The following P2RY14 variants were observed in gnomAD, a reference collection of about 807,000 sequenced individuals.
P2RY14 encodes the protein P2Y purinoceptor 14.
A neutral mutation model predicts 0.9 loss-of-function variants in P2RY14; 2 were observed. The observed-to-expected ratio is 2.16, with a 90% confidence interval of 0.88 to 6.79. The LOEUF is 6.79. Ranked by LOEUF, P2RY14 falls within the 30% of genes most tolerant of loss-of-function variation. P2RY14 has a pLI of 0.05. For synonymous variants in P2RY14, 158 were observed against 147.2 expected, an observed-to-expected ratio of 1.07 and a Z score of -0.53; for missense variants, 378 against 400.1, an observed-to-expected ratio of 0.94 and a Z score of 0.47.
At chr3:151,227,651 A>G (rs745520960) in intron 1 of P2RY14, among the ~76,000 whole-genome samples, 3 of 152,178 alleles carry the variant, frequency 2.0e-5, no homozygotes, top group South Asian at 2.1e-4. Context: ...ATGACCTCCA[A>G]TGGATACATA....
intron 1 of P2RY14, among the ~76,000 whole-genome samples, chr3:151,262,081 T>C (rs1367899291): frequency 6.6e-6 from 1 of 152,230 alleles, no homozygotes; most frequent in Non-Finnish European, 1.5e-5. Flanking sequence ...CTGTTAAAAC[T>C]ACTATTTTTT....
intron 1 of P2RY14, among the ~76,000 whole-genome samples, chr3:151,248,119 C>T (rs1429527789): frequency 2.6e-5 from 4 of 151,762 alleles, no homozygotes; most frequent in East Asian, 1.9e-4. Flanking sequence ...CCTTGCCATC[C>T]ACAAGTTAAA....
In P2RY14 at chr3:151,216,989, G is replaced by A. The variant is rs549587433; in HGVS notation, c.-25+2546C>T. Among the ~76,000 whole-genome samples, 14 of 152,202 alleles carry A rather than the reference G, an allele frequency of 9.2e-5. No individual in the cohort carries two copies. In the East Asian group the frequency reaches 1.5e-3, roughly 17 times the overall value. On this transcript the variant is annotated intron_variant, in intron 2 of 2. Coordinates refer to ENST00000309170, the MANE Select transcript of P2RY14 (RefSeq NM_014879.4). Reference sequence around the variant, plus strand: ...GTCCTAAGCCACACAACCCCCCAGCGCCTGGCCATTGTGGTGTCATACTCA... The same window carrying A: ...GTCCTAAGCCACACAACCCCCCAGCACCTGGCCATTGTGGTGTCATACTCA...
intron 1 of P2RY14, among the ~76,000 whole-genome samples, chr3:151,230,486 C>T (rs578201356): frequency 6.6e-6 from 1 of 151,936 alleles, no homozygotes; most frequent in East Asian, 1.9e-4. Flanking sequence ...ACTCCTTTCT[C>T]GTTATACTAT....
intron 2 of P2RY14, among the ~76,000 whole-genome samples, chr3:151,216,494 A>T (rs541953551): frequency 7.9e-5 from 12 of 152,224 alleles, no homozygotes; most frequent in Admixed American, 1.3e-4. Flanking sequence ...TGCTTCCTAC[A>T]CAAGAATATC....
intron 1 of P2RY14, among the ~76,000 whole-genome samples, chr3:151,232,587 C>T (rs868020857): frequency 2.8e-4 from 42 of 152,140 alleles, no homozygotes; most frequent in African/African-American, 9.7e-4. Flanking sequence ...CACATATATG[C>T]CATGGAATAC....
intron 1 of P2RY14, chr3:151,241,849 T>C (rs966838214): frequency 6.5e-6 from 1 of 154,014 alleles, no homozygotes; most frequent in Admixed American, 6.5e-5. Context: ...AAGACGGTGA[T>C]TTCTGCATTT....
chr3:151,237,549 C>A (rs1310081796), intron 1 of P2RY14, among the ~76,000 whole-genome samples: 1 of 151,578 alleles, frequency 6.6e-6, no homozygotes, highest in Non-Finnish European at 1.5e-5. Flanking sequence ...TGGGGTTTCA[C>A]CATGTTGGCC....
chr3:151,268,469 A>C (rs1205336778), intron 1 of P2RY14, among the ~76,000 whole-genome samples: 1 of 152,224 alleles, frequency 6.6e-6, no homozygotes, highest in Non-Finnish European at 1.5e-5. Flanking sequence ...TCCCTGCCCT[A>C]GTCAAGGCAT....
At chr3:151,228,935 T>A (rs1731066702) in intron 1 of P2RY14, among the ~76,000 whole-genome samples, 1 of 152,182 alleles carries the variant, frequency 6.6e-6, no homozygotes, top group Non-Finnish European at 1.5e-5. Flanking sequence ...ACTGAGATGG[T>A]ATTTGCATTT....
At chr3:151,250,512 T>A (rs1039930623) in intron 1 of P2RY14, among the ~76,000 whole-genome samples, 2 of 152,226 alleles carry the variant, frequency 1.3e-5, no homozygotes, top group Non-Finnish European at 2.9e-5. Context: ...CTCATAGAAG[T>A]GGAATCATAC....
chr3:151,219,664 A>C (rs1461487355), intron 1 of P2RY14, 22 bp from the exon 2 acceptor site: 1 of 152,216 alleles, frequency 6.6e-6, no homozygotes, highest in African/African-American at 2.4e-5. Flanking sequence ...AAAACAAAAA[A>C]CCAAAGATTT....
chr3:151,243,455 C>G (rs1250859188), intron 1 of P2RY14, among the ~76,000 whole-genome samples: 1 of 152,004 alleles, frequency 6.6e-6, no homozygotes, highest in African/African-American at 2.4e-5. Context: ...GAGTGGGGGC[C>G]AATATTCAAC....
At chr3:151,267,496 G>C (rs993259310) in intron 1 of P2RY14, among the ~76,000 whole-genome samples, 1 of 152,132 alleles carries the variant, frequency 6.6e-6, no homozygotes, top group Non-Finnish European at 1.5e-5. Flanking sequence ...TTGTGAATCT[G>C]GGTAATTGTT....
At chr3:151,234,933 A>G (rs377275908) in intron 1 of P2RY14, among the ~76,000 whole-genome samples, 2 of 152,280 alleles carry the variant, frequency 1.3e-5, no homozygotes, top group East Asian at 1.9e-4. Context: ...GAAGCAGCAA[A>G]CGTTCCAGCG....
rs1727322911 is a variant in P2RY14, at chr3:151,212,455, A to AAT, written c.*843_*844dup. On this transcript the variant is annotated 3_prime_UTR_variant, in exon 3 of 3. Transcript: ENST00000309170. ...CTCCTTTCCCATTCGCCAGTAGATTAATATATGTTCTACGGTGTGGGTGTG... is the reference window on the plus strand; with the variant it reads ...CTCCTTTCCCATTCGCCAGTAGATTAATATATATGTTCTACGGTGTGGGTGTG... 1 of 152,192 alleles carries AAT rather than the reference A, an allele frequency of 6.6e-6. No individual in the cohort carries two copies. The highest frequency in any genetic ancestry group is 2.4e-5 in the African/African-American group (1 of 41,438). The allele number at this position is 152,192 out of a possible 1,614,324, so 9.4% of individuals were successfully genotyped here.
intron 1 of P2RY14, among the ~76,000 whole-genome samples, chr3:151,238,929 A>AT (rs915963235): frequency 2.6e-5 from 4 of 152,202 alleles, no homozygotes; most frequent in African/African-American, 9.7e-5. Context: ...TGACAAACTA[A>AT]TAATTGTACT....
At chr3:151,246,346 C>A in intron 1 of P2RY14, among the ~76,000 whole-genome samples, 1 of 152,034 alleles carries the variant, frequency 6.6e-6, no homozygotes, top group East Asian at 1.9e-4. Flanking sequence ...AAGCTGGAGG[C>A]ATCACGCTAC....
intron 1 of P2RY14, among the ~76,000 whole-genome samples, chr3:151,253,295 A>G (rs1198294310): frequency 6.6e-6 from 1 of 152,196 alleles, no homozygotes; most frequent in African/African-American, 2.4e-5. Flanking sequence ...CAAGTTTTGC[A>G]CTGTGCCGGA....
Sources: gnomAD v4.1 joint callset for allele counts (sites outside exome capture counted in the v4.1 genomes callset) on GRCh38, gnomAD v4.1.1 for gene constraint, MANE v1.5 for transcripts, NCBI Gene and HGNC (gene_info 2026-07-23, HGNC 2026-07-21) for gene names.